The following GANC variants were observed in gnomAD, a reference collection of about 807,000 sequenced individuals.
GANC encodes neutral alpha-glucosidase C.
A neutral mutation model predicts 124.2 loss-of-function variants in GANC; 117 were observed. That is an observed-to-expected ratio of 0.94 (90% CI 0.81 to 1.10). The LOEUF is 1.10. Among genes scored for constraint, GANC ranks in the 50% least tolerant of loss-of-function variants. The probability of loss-of-function intolerance (pLI) is 0.00; values close to 1 mark genes in which losing one functional copy is unlikely to be tolerated. For missense variants in GANC, 1,140 were observed against 1,095.0 expected, an observed-to-expected ratio of 1.04 and a Z score of -0.58; for synonymous variants, 377 against 376.8, an observed-to-expected ratio of 1.00 and a Z score of -0.01.
At chr15:42,336,856 C>T (rs2052287120) in intron 15 of GANC, among the ~76,000 whole-genome samples, 1 of 152,124 alleles carries the variant, frequency 6.6e-6, no homozygotes, top group South Asian at 2.1e-4. Flanking sequence ...AGAAGACATA[C>T]ATGTGGCCAA....
chr15:42,325,665 C>A (rs1481375418), intron 11 of GANC, among the ~76,000 whole-genome samples: 1 of 152,208 alleles, frequency 6.6e-6, no homozygotes, highest in Non-Finnish European at 1.5e-5. Context: ...CACTCAGCAT[C>A]ATGGACAGAT....
chr15:42,299,185 A>G (rs1457733383), intron 6 of GANC, among the ~76,000 whole-genome samples: 1 of 152,064 alleles, frequency 6.6e-6, no homozygotes, highest in African/African-American at 2.4e-5. Context: ...ATTCAGTGTG[A>G]TATTGGCTGT....
At chr15:42,283,888 A>G in intron 3 of GANC, 1 of 702,660 alleles carries the variant, frequency 1.4e-6, no homozygotes. Context: ...TCCTTGGGGA[A>G]CAGGCCAGTG....
intron 10 of GANC, among the ~76,000 whole-genome samples, chr15:42,311,149 A>G (rs1211578643): frequency 2.0e-5 from 3 of 152,100 alleles, no homozygotes; most frequent in South Asian, 2.1e-4. Context: ...CAACTTTTCT[A>G]TGTTTTCTTC....
In GANC at chr15:42,348,199, G is replaced by A. The variant is rs967924722; in HGVS notation, c.2401G>A (p.Val801Ile). The A allele has an allele frequency of 2.5e-6, 4 of 1,610,126 alleles. No individual in the cohort carries two copies. The highest frequency in any genetic ancestry group is 1.3e-5 in the African/African-American group (1 of 74,774). ...GACTGAATCCTCCTATGGACTCCGGGTTGCTCTAAGCACTAAGGTATTTGG... is the reference window on the plus strand; with the variant it reads ...GACTGAATCCTCCTATGGACTCCGGATTGCTCTAAGCACTAAGGTATTTGG... ...WMTESSYGLR[V>I]ALSTKGSSVG... is the part of the protein sequence containing the mutation. The change falls in exon 21 of 24, where the codon GTT (valine) becomes ATT (isoleucine). Residue 801 changes from valine (V) to isoleucine (I), a missense_variant. Physicochemically the swap from Val to Ile is conservative, Grantham distance 29. Coordinates refer to ENST00000318010, the MANE Select transcript of GANC (RefSeq NM_198141.3).
chr15:42,295,435 C>G (rs990615425), intron 5 of GANC, among the ~76,000 whole-genome samples: 1 of 151,142 alleles, frequency 6.6e-6, no homozygotes, highest in Non-Finnish European at 1.5e-5. Flanking sequence ...ATAACATTAA[C>G]AAAAATCAAT....
intron 22 of GANC, among the ~76,000 whole-genome samples, chr15:42,349,733 C>T (rs1161232435): frequency 2.0e-5 from 3 of 151,822 alleles, no homozygotes; most frequent in Non-Finnish European, 4.4e-5. Flanking sequence ...CTGCAACCTC[C>T]ACCTCCTGGG....
In GANC at chr15:42,339,855, T is replaced by G; in HGVS notation, c.2030T>G (p.Leu677Arg). The G allele has an allele frequency of 6.2e-7, 1 of 1,614,058 alleles. No homozygotes were observed. Among genetic ancestry groups the G allele is most frequent in the Non-Finnish European group, 8.5e-7 (1 of 1,179,910 alleles). Residue 677 changes from leucine (L) to arginine (R), a missense_variant, in exon 17 of 24, where the codon CTG (leucine) becomes CGG (arginine). Leu to Arg is a moderately radical substitution (Grantham distance 102). Transcript: ENST00000318010. ...GCCATCAGAGAGCGCTATGGCCTCC[T>G]GCCATATTGGTATTCTCTGTTCTAC... ...REAIRERYGL[L>R]PYWYSLFYHA...
chr15:42,316,228 T>C (rs11635876), intron 10 of GANC, among the ~76,000 whole-genome samples: 138,387 of 152,078 alleles, frequency 0.91, 64,319 homozygotes, highest in Non-Finnish European at 1. Flanking sequence ...GTGTTGTCCC[T>C]ATGTGCGGAG....
In GANC at chr15:42,348,272, C is replaced by G. The variant is rs192018014; in HGVS notation, c.2418+56C>G. 3.7e-6 allele frequency: 4 copies of G among 1,074,508 alleles called. No homozygotes were observed. In the African/African-American group the frequency reaches 4.8e-5, roughly 13 times the overall value. 66.6% of individuals were successfully genotyped at this position (1,074,508 alleles called of 1,614,324 possible). On this transcript the variant is annotated intron_variant, in intron 21 of 23. Transcript: ENST00000318010. ...TCTACTCTTTCTTTACAGTGATAGC[C>G]TTTTGAGTGTGTGACACTACGTAAA... is the stretch of plus-strand genomic sequence containing the variant.
intron 22 of GANC, among the ~76,000 whole-genome samples, chr15:42,350,464 T>C (rs1164766296): frequency 6.6e-6 from 1 of 152,090 alleles, no homozygotes; most frequent in African/African-American, 2.4e-5. Context: ...TTTGTAACTT[T>C]TGTGTTCTTC....
At chr15:42,298,328 G>A (rs555537927) in intron 6 of GANC, among the ~76,000 whole-genome samples, 1 of 152,124 alleles carries the variant, frequency 6.6e-6, no homozygotes. Flanking sequence ...AGAAAGACAC[G>A]CAGGGCAGTG....
Position 42,274,400 on chromosome 15 carries a change from A to G in GANC, c.-82A>G. 1 of 1,440,676 alleles carries G rather than the reference A, an allele frequency of 6.9e-7. No homozygotes were observed. The highest frequency in any genetic ancestry group is 9.6e-7 in the Non-Finnish European group (1 of 1,045,366). 89.2% of individuals were successfully genotyped at this position (1,440,676 alleles called of 1,614,324 possible). ...TGAAGTACTGGTTGTAATTTTAGAAAGACACCCAATCGGCTTTTTTAAAAG... is the reference window on the plus strand; with the variant it reads ...TGAAGTACTGGTTGTAATTTTAGAAGGACACCCAATCGGCTTTTTTAAAAG... On this transcript the variant is annotated 5_prime_UTR_variant, in exon 1 of 24. Coordinates refer to ENST00000318010, the MANE Select transcript of GANC (RefSeq NM_198141.3).
chr15:42,308,630 C>G (rs1292200341), intron 8 of GANC, among the ~76,000 whole-genome samples: 1 of 152,088 alleles, frequency 6.6e-6, no homozygotes, highest in Non-Finnish European at 1.5e-5. Flanking sequence ...ACTACAGGCA[C>G]CTGTCACCAC....
chr15:42,306,524 G>T (rs1380204002), intron 6 of GANC, 22 bp from the exon 7 acceptor site: 1 of 1,596,140 alleles, frequency 6.3e-7, no homozygotes. Context: ...AACTCAGTTT[G>T]CTCCCTTTTT....
At chr15:42,289,663 T>A (rs2051823046) in intron 4 of GANC, among the ~76,000 whole-genome samples, 1 of 152,210 alleles carries the variant, frequency 6.6e-6, no homozygotes, top group African/African-American at 2.4e-5. Flanking sequence ...TGAGATTGGC[T>A]GGCTGACCTA....
chr15:42,322,447 T>C (rs2052167871), intron 11 of GANC, among the ~76,000 whole-genome samples: 1 of 152,112 alleles, frequency 6.6e-6, no homozygotes, highest in African/African-American at 2.4e-5. Context: ...TTGAGAGAAC[T>C]GAGAAAGGAG....
intron 6 of GANC, among the ~76,000 whole-genome samples, chr15:42,304,974 G>C (rs1427199162): frequency 1.3e-5 from 2 of 152,118 alleles, no homozygotes; most frequent in Non-Finnish European, 2.9e-5. Flanking sequence ...ATGAATTAAA[G>C]ACTTAAACAT....
At chr15:42,299,551 A>G (rs928052624) in intron 6 of GANC, among the ~76,000 whole-genome samples, 5 of 152,226 alleles carry the variant, frequency 3.3e-5, no homozygotes, top group African/African-American at 7.2e-5. Context: ...TATAGATTCA[A>G]TGCTATTCCC....
Sources: gnomAD v4.1 joint callset for allele counts (sites outside exome capture counted in the v4.1 genomes callset) on GRCh38, gnomAD v4.1.1 for gene constraint, MANE v1.5 for transcripts, NCBI Gene and HGNC (gene_info 2026-07-23, HGNC 2026-07-21) for gene names.